TMEM132D: variants seen among roughly 807,000 people sequenced by gnomAD.
TMEM132D encodes transmembrane protein 132D, also known as mature OL transmembrane protein.
In TMEM132D, 21 loss-of-function variants were observed where a neutral mutation model predicts 62.3. The ratio of observed to expected loss-of-function variants is 0.34; its 90% CI spans 0.24 to 0.49. The LOEUF (loss-of-function observed/expected upper bound fraction) is 0.49, where lower values mean the gene tolerates loss of function less well. Among genes scored for constraint, TMEM132D ranks in the 20% least tolerant of loss-of-function variants. TMEM132D has a pLI of 0.99. For missense variants in TMEM132D, 1,346 were observed against 1,402.8 expected (o/e 0.96, Z 0.65); for synonymous variants, 621 against 575.6 (o/e 1.08, Z -1.13).
At chr12:129,396,386 G>A (rs1467941370) in intron 3 of TMEM132D, among the ~76,000 whole-genome samples, 1 of 152,148 alleles carries the variant, frequency 6.6e-6, no homozygotes, top group African/African-American at 2.4e-5. Context: ...ACAGTCACGT[G>A]GTTAGGGGTG....
intron 2 of TMEM132D, among the ~76,000 whole-genome samples, chr12:129,536,460 T>C (rs1355071741): frequency 6.6e-6 from 1 of 152,238 alleles, no homozygotes; most frequent in Non-Finnish European, 1.5e-5. Context: ...GCAATCACTC[T>C]TGGCTTCTAA....
At chr12:129,112,524 A>G (rs999095358) in intron 5 of TMEM132D, among the ~76,000 whole-genome samples, 5 of 152,150 alleles carry the variant, frequency 3.3e-5, no homozygotes, top group South Asian at 2.1e-4. Context: ...TTAGCCGGGT[A>G]TGGTGGCACA....
At chr12:129,734,159 G>C (rs1194602177) in intron 1 of TMEM132D, among the ~76,000 whole-genome samples, 1 of 152,140 alleles carries the variant, frequency 6.6e-6, no homozygotes, top group Non-Finnish European at 1.5e-5. Flanking sequence ...TAAACAACCT[G>C]ATACTTAATT....
chr12:129,103,776 G>A (rs955351355), intron 5 of TMEM132D, among the ~76,000 whole-genome samples: 1 of 152,072 alleles, frequency 6.6e-6, no homozygotes, highest in Non-Finnish European at 1.5e-5. Context: ...AATCATGAGT[G>A]AACTCCCATT....
intron 4 of TMEM132D, among the ~76,000 whole-genome samples, chr12:129,295,788 T>G (rs1293926184): frequency 6.6e-6 from 1 of 152,210 alleles, no homozygotes; most frequent in South Asian, 2.1e-4. Flanking sequence ...GATTATACAC[T>G]TTAAATCATC....
intron 5 of TMEM132D, among the ~76,000 whole-genome samples, chr12:129,150,491 T>C (rs772898907): frequency 5.9e-5 from 9 of 152,256 alleles, no homozygotes; most frequent in Non-Finnish European, 1.2e-4. Context: ...CATTATTTCA[T>C]GTAGTCTTCA....
At chr12:129,734,817 A>G (rs1869374586) in intron 1 of TMEM132D, among the ~76,000 whole-genome samples, 1 of 152,204 alleles carries the variant, frequency 6.6e-6, no homozygotes. Flanking sequence ...TCCTACTGAA[A>G]GCATCCCTAA....
chr12:129,119,729 C>T (rs1223060532), intron 5 of TMEM132D, among the ~76,000 whole-genome samples: 6 of 152,198 alleles, frequency 3.9e-5, no homozygotes, highest in Admixed American at 3.3e-4. Context: ...GAGTCAGGCG[C>T]TGTCCTTGGT....
chr12:129,649,894 T>TTG (rs57011788), intron 2 of TMEM132D, among the ~76,000 whole-genome samples: 4 of 151,600 alleles, frequency 2.6e-5, no homozygotes, highest in Non-Finnish European at 4.4e-5. Context: ...ATATGTGTGT[T>TTG]TGTGTGTGTG....
intron 1 of TMEM132D, among the ~76,000 whole-genome samples, chr12:129,765,425 G>T (rs1008815504): frequency 5.9e-5 from 9 of 152,010 alleles, no homozygotes; most frequent in Middle Eastern, 3.2e-3. Flanking sequence ...AATTTGCCAG[G>T]CATGGTGGTG....
chr12:129,640,292 G>GACACAACA lies in TMEM132D; in HGVS notation c.968+59510_968+59517dup, dbSNP rs550897518. On this transcript the variant is annotated intron_variant, in intron 2 of 8. Coordinates refer to ENST00000422113, the MANE Select transcript of TMEM132D (RefSeq NM_133448.3). ...AGTTTAGCAGGAAAAAAAAGCCACA[G>GACACAACA]ACACAACATAAAAGCGTGGATTTTC... is the stretch of plus-strand genomic sequence containing the variant. Among the ~76,000 whole-genome samples the GACACAACA allele has an allele frequency of 3.8e-3, 573 of 152,176 alleles. 5 individuals carry two copies. Among genetic ancestry groups the GACACAACA allele is most frequent in the South Asian group, 5.2e-3 (25 of 4,824 alleles).
chr12:129,436,636 G>A (rs1225448939), intron 3 of TMEM132D, among the ~76,000 whole-genome samples: 1 of 152,140 alleles, frequency 6.6e-6, no homozygotes, highest in African/African-American at 2.4e-5. Flanking sequence ...TGCAGATGAA[G>A]GGAATGAATT....
At chr12:129,326,445 C>T (rs1403749167) in intron 4 of TMEM132D, among the ~76,000 whole-genome samples, 5 of 152,046 alleles carry the variant, frequency 3.3e-5, no homozygotes, top group Non-Finnish European at 5.9e-5. Context: ...CATTCATATA[C>T]GTGGTTAAAA....
In TMEM132D at chr12:129,288,173, T is replaced by C. The variant is rs1881356457; in HGVS notation, c.1299+49461A>G. Among the ~76,000 whole-genome samples the C allele has an allele frequency of 2.6e-5, 4 of 152,170 alleles. No individual in the cohort carries two copies. The South Asian group carries it at 8.3e-4, about 32-fold the overall frequency. On this transcript the variant is annotated intron_variant, in intron 4 of 8. Transcript: ENST00000422113. ...TAGGGGAAAAGCTCCATGACATTGG[T>C]CTCAACAGTGATTTCATAAATATGA...
At chr12:129,271,042 G>A (rs144493868) in intron 4 of TMEM132D, among the ~76,000 whole-genome samples, 1,541 of 152,290 alleles carry the variant, frequency 0.01, 16 homozygotes, top group Middle Eastern at 0.017. Flanking sequence ...ACATAATAAC[G>A]TTTGTGTTTT....
At chr12:129,459,493 C>T (rs1364117958) in intron 3 of TMEM132D, among the ~76,000 whole-genome samples, 2 of 152,116 alleles carry the variant, frequency 1.3e-5, no homozygotes, top group African/African-American at 4.8e-5. Flanking sequence ...CAAGACAGAC[C>T]ATAATAAGAT....
intron 3 of TMEM132D, among the ~76,000 whole-genome samples, chr12:129,361,004 G>A (rs750409826): frequency 2.6e-4 from 39 of 152,148 alleles, no homozygotes; most frequent in Non-Finnish European, 4.9e-4. Flanking sequence ...GCAGCTTCCT[G>A]TGTTCACGGC....
intron 4 of TMEM132D, among the ~76,000 whole-genome samples, chr12:129,234,628 T>C (rs1879731383): frequency 6.6e-6 from 1 of 152,208 alleles, no homozygotes; most frequent in South Asian, 2.1e-4. Context: ...TGAAGCATAG[T>C]GCATGAAGTT....
At chr12:129,191,839 G>T (rs1395362463) in intron 5 of TMEM132D, among the ~76,000 whole-genome samples, 3 of 152,088 alleles carry the variant, frequency 2.0e-5, no homozygotes, top group African/African-American at 7.2e-5. Context: ...CTCATGAGGG[G>T]CAGGGACTTT....
Sources: allele counts gnomAD v4.1 joint callset (sites outside exome capture counted in the v4.1 genomes callset), GRCh38; gene constraint gnomAD v4.1.1; transcripts MANE v1.5; gene names NCBI Gene and HGNC (gene_info 2026-07-23, HGNC 2026-07-21).